Variants in SLC5A7 observed in about 807,000 individuals in gnomAD.
SLC5A7 encodes high affinity choline transporter 1.
In SLC5A7, 19 loss-of-function variants were observed where a neutral mutation model predicts 55.4. The ratio of observed to expected loss-of-function variants is 0.34; its 90% CI spans 0.24 to 0.50. The LOEUF (loss-of-function observed/expected upper bound fraction) is 0.50, where lower values mean the gene tolerates loss of function less well. Among genes scored for constraint, SLC5A7 ranks in the 20% least tolerant of loss-of-function variants. The pLI is 0.98. For synonymous variants in SLC5A7, 265 were observed against 263.7 expected (o/e 1.00, Z -0.05); for missense variants, 506 against 705.3 (o/e 0.72, Z 3.20).
intron 4 of SLC5A7, among the ~76,000 whole-genome samples, chr2:107,995,470 A>AGAGTGTGTGTGTGT (rs1405177003): frequency 7.3e-6 from 1 of 137,166 alleles, no homozygotes; most frequent in African/African-American, 2.8e-5. Flanking sequence ...AGAGAGAGAG[A>AGAGTGTGTGTGTGT]GTGTGTGTGT....
intron 4 of SLC5A7, among the ~76,000 whole-genome samples, chr2:107,994,726 A>AGGTGAG (rs1677602244): frequency 1.3e-5 from 2 of 152,184 alleles, no homozygotes; most frequent in Admixed American, 1.3e-4. Flanking sequence ...CCTGACTCTC[A>AGGTGAG]TTAGCTGAGT....
At position 108,010,796 on chromosome 2, in the gene SLC5A7, A is replaced by G. The variant is rs770906251; in HGVS notation, c.1678A>G (p.Lys560Glu). The G allele has an allele frequency of 2.5e-6, 4 of 1,612,972 alleles. No individual in the cohort carries two copies. The Admixed American group carries it at 6.7e-5, about 27-fold the overall frequency. Residue 560 changes from lysine to glutamate, a missense_variant, in exon 9 of 9, where the codon AAA (lysine) becomes GAA (glutamate). Coordinates refer to ENST00000264047, the MANE Select transcript of SLC5A7 (RefSeq NM_021815.5). ...GACCCTCAGCTCAACTTTCACCAAT[A>G]AAGAGGCCTTCCTTGATGTTGATTC... ...SMTLSSTFTNKEAFLDVDSSP... is the reference protein window; with the variant it reads ...SMTLSSTFTNEEAFLDVDSSP...
chr2:108,009,969 C>T (rs926969514), intron 8 of SLC5A7, among the ~76,000 whole-genome samples: 6 of 152,152 alleles, frequency 3.9e-5, no homozygotes, highest in African/African-American at 1.4e-4. Context: ...CCTGCCTTTG[C>T]CCCTGTGCAT....
intron 5 of SLC5A7, among the ~76,000 whole-genome samples, chr2:107,998,606 A>T (rs182891392): frequency 1.3e-5 from 2 of 152,352 alleles, no homozygotes; most frequent in Non-Finnish European, 2.9e-5. Context: ...TGTTGAAGAA[A>T]TGTGAAGAGT....
At chr2:108,002,141 C>T (rs1291149469) in intron 6 of SLC5A7, 101 bp downstream of exon 6, 42 of 1,367,570 alleles carry the variant, frequency 3.1e-5, no homozygotes, top group East Asian at 7.2e-5. Context: ...TGCTTGTGGG[C>T]TCATGGCCAT....
chr2:108,000,379 A>G (rs1677836154), intron 5 of SLC5A7, among the ~76,000 whole-genome samples: 1 of 152,094 alleles, frequency 6.6e-6, no homozygotes. Flanking sequence ...TTCACAGAAA[A>G]CATAAAAGTG....
chr2:107,988,040 T>C, intron 1 of SLC5A7, 65 bp from the exon 2 acceptor site: 4 of 1,061,008 alleles, frequency 3.8e-6, no homozygotes, highest in Non-Finnish European at 5.5e-6. Flanking sequence ...AGCTGGTTTA[T>C]TCCTGGCTGC....
intron 4 of SLC5A7, 35 bp from the exon 5 acceptor site, chr2:107,997,803 G>A: frequency 1.3e-6 from 2 of 1,567,190 alleles, no homozygotes; most frequent in South Asian, 2.4e-5. Flanking sequence ...ATCTGTCTGG[G>A]CACCTTGACC....
rs759885480 is a variant in SLC5A7 at position 107,993,000 on chromosome 2, T to C, written c.321T>C (p.Arg107=). Reference sequence around the variant, plus strand: ...GCCTGTTCTTTGCAAAACCTATGCGTTCAAAGGGGTATGTGACCATGTTAG... The same window carrying C: ...GCCTGTTCTTTGCAAAACCTATGCGCTCAAAGGGGTATGTGACCATGTTAG... ...LGGLFFAKPM[R]SKGYVTMLDP... The change falls in exon 4 of 9, where the codon CGT becomes CGC. Residue 107 remains arginine (R), a synonymous_variant. Coordinates refer to ENST00000264047, the MANE Select transcript of SLC5A7 (RefSeq NM_021815.5). The C allele has an allele frequency of 1.7e-5, 27 of 1,614,102 alleles. No homozygotes were observed. Among genetic ancestry groups the C allele is most frequent in the Non-Finnish European group, 2.2e-5 (26 of 1,180,036 alleles).
At chr2:107,993,243 G>C in intron 4 of SLC5A7, 116 bp downstream of exon 4, 15 of 1,107,498 alleles carry the variant, frequency 1.4e-5, no homozygotes, top group Non-Finnish European at 1.9e-5. Flanking sequence ...ACCATATGCT[G>C]AACCATATTT....
intron 8 of SLC5A7, among the ~76,000 whole-genome samples, 181 bp from the exon 9 acceptor site, chr2:108,010,051 G>A (rs565386593): frequency 6.6e-6 from 1 of 152,284 alleles, no homozygotes; most frequent in South Asian, 2.1e-4. Flanking sequence ...GGTCCACCCA[G>A]GAAGTCACCT....
chr2:108,008,423 G>A (rs764699682), intron 7 of SLC5A7, 42 bp from the exon 8 acceptor site: 1 of 1,515,774 alleles, frequency 6.6e-7, no homozygotes, highest in Non-Finnish European at 9.1e-7. Flanking sequence ...AAGAACATTT[G>A]GTTCCTTGGT....
At chr2:108,004,451 A>G (rs1032603186) in intron 6 of SLC5A7, among the ~76,000 whole-genome samples, 3 of 152,192 alleles carry the variant, frequency 2.0e-5, no homozygotes, top group African/African-American at 4.8e-5. Flanking sequence ...CATTCTGCTT[A>G]GCCCAGGTGA....
At chr2:108,005,152 T>C (rs893960269) in intron 6 of SLC5A7, among the ~76,000 whole-genome samples, 1 of 152,212 alleles carries the variant, frequency 6.6e-6, no homozygotes, top group African/African-American at 2.4e-5. Context: ...AGTTCTAGTA[T>C]TTATTATTTG....
intron 2 of SLC5A7, among the ~76,000 whole-genome samples, chr2:107,989,267 A>G (rs1308392892): frequency 6.6e-6 from 1 of 152,216 alleles, no homozygotes; most frequent in Non-Finnish European, 1.5e-5. Flanking sequence ...TTCATTGGAA[A>G]AATATCCCAT....
At chr2:107,988,074 G>A (rs1677315413) in intron 1 of SLC5A7, 31 bp from the exon 2 acceptor site, 2 of 1,439,790 alleles carry the variant, frequency 1.4e-6, no homozygotes, top group Middle Eastern at 1.8e-4. Flanking sequence ...GTGCTTGACT[G>A]GTTTATAATG....
At chr2:107,988,429 TCTTTGTC>T in intron 2 of SLC5A7, 96 bp downstream of exon 2, 1 of 1,129,968 alleles carries the variant, frequency 8.8e-7, no homozygotes. Context: ...CAAATGTTGG[TCTTTGTC>T]CTTTGGGGAT....
chr2:107,994,540 C>G (rs1677590170), intron 4 of SLC5A7, among the ~76,000 whole-genome samples: 2 of 152,028 alleles, frequency 1.3e-5, no homozygotes, highest in South Asian at 4.2e-4. Flanking sequence ...GAGCTGAGAT[C>G]ACGCCACTGC....
At chr2:108,002,245 G>T (rs1461501503) in intron 6 of SLC5A7, among the ~76,000 whole-genome samples, 2 of 152,014 alleles carry the variant, frequency 1.3e-5, no homozygotes, top group Non-Finnish European at 2.9e-5. Flanking sequence ...AGGCCCTGAG[G>T]GGACAGCATA....
Sources: gnomAD v4.1 joint callset for allele counts (sites outside exome capture counted in the v4.1 genomes callset) on GRCh38, gnomAD v4.1.1 for gene constraint, MANE v1.5 for transcripts, NCBI Gene and HGNC (gene_info 2026-07-23, HGNC 2026-07-21) for gene names.